GALNTL6: variants seen among roughly 807,000 people sequenced by gnomAD.
GALNTL6 encodes polypeptide N-acetylgalactosaminyltransferase like 6, also known as polypeptide N-acetylgalactosaminyltransferase-like 6.
GALNTL6 carries 46 observed loss-of-function variants against 73.7 expected under a neutral mutation model. The observed-to-expected ratio is 0.62, with a 90% CI of 0.49 to 0.80. GALNTL6 has a LOEUF of 0.80. Ranked by LOEUF, GALNTL6 falls within the 30% of genes least tolerant of loss-of-function variation. The pLI, the probability that GALNTL6 is intolerant of heterozygous loss-of-function variation, is 0.00. For synonymous variants in GALNTL6, 259 were observed against 263.7 expected (o/e 0.98, Z 0.17); for missense variants, 604 against 755.0 (o/e 0.80, Z 2.34).
intron 2 of GALNTL6, among the ~76,000 whole-genome samples, chr4:172,219,758 A>G (rs1248466413): frequency 6.6e-6 from 1 of 151,930 alleles, no homozygotes; most frequent in African/African-American, 2.4e-5. Context: ...ATCATTTGGT[A>G]TTCAAGGAAA....
chr4:172,714,812 T>C (rs1540466), intron 5 of GALNTL6, among the ~76,000 whole-genome samples: 115,918 of 152,000 alleles, frequency 0.76, 45,457 homozygotes, highest in Middle Eastern at 0.89. Flanking sequence ...GTAAGGGCTA[T>C]GCCATCTTAG....
chr4:172,787,675 A>T (rs953772985), intron 5 of GALNTL6, among the ~76,000 whole-genome samples: 6 of 152,194 alleles, frequency 3.9e-5, no homozygotes, highest in African/African-American at 1.4e-4. Flanking sequence ...CAGGAGGATC[A>T]CTGAGGAGGA....
At chr4:172,863,714 T>C (rs568842679) in intron 7 of GALNTL6, among the ~76,000 whole-genome samples, 103 of 152,306 alleles carry the variant, frequency 6.8e-4, no homozygotes, top group Non-Finnish European at 9.3e-4. Context: ...TGCTGTGAAC[T>C]GTGGACTTTT....
intron 2 of GALNTL6, among the ~76,000 whole-genome samples, chr4:172,019,044 G>T (rs1450288702): frequency 2.6e-5 from 4 of 152,118 alleles, no homozygotes; most frequent in African/African-American, 9.7e-5. Context: ...TTAGGAGGCA[G>T]ATTTTTCCCC....
At chr4:172,403,677 A>G (rs1424597379) in intron 5 of GALNTL6, among the ~76,000 whole-genome samples, 2 of 152,056 alleles carry the variant, frequency 1.3e-5, no homozygotes, top group Non-Finnish European at 2.9e-5. Flanking sequence ...ATAGACACAT[A>G]TACACATATA....
chr4:172,467,855 T>TTTCTTTCTTTCTTTCTTTCC (rs1554027356), intron 5 of GALNTL6, among the ~76,000 whole-genome samples: 3 of 138,944 alleles, frequency 2.2e-5, no homozygotes, highest in African/African-American at 7.9e-5. Context: ...TCTTTCTTTC[T>TTTCTTTCTTTCTTTCTTTCC]TTCTTTCTTT....
chr4:172,371,817 C>G lies in GALNTL6; in HGVS notation c.553+23128C>G, dbSNP rs539940689. 5.9e-5 allele frequency among the ~76,000 whole-genome samples: 9 copies of G among 152,296 alleles called. No homozygotes were observed. In the East Asian group the frequency reaches 1.7e-3, roughly 29 times the overall value. ...GCTGCTGTTCTCCCCTCTCCTTCCT[C>G]TTTTTGATGGCTTCAGCAGTGGAAG... On this transcript the variant is annotated intron_variant, in intron 5 of 12. Coordinates refer to ENST00000506823, the MANE Select transcript of GALNTL6 (RefSeq NM_001034845.3).
chr4:172,294,983 G>T (rs1339727347), intron 3 of GALNTL6, among the ~76,000 whole-genome samples: 6 of 152,006 alleles, frequency 3.9e-5, no homozygotes, highest in Non-Finnish European at 8.8e-5. Context: ...TGTACATATA[G>T]ATTTATGTTA....
At chr4:172,361,793 G>A (rs1333503338) in intron 5 of GALNTL6, among the ~76,000 whole-genome samples, 2 of 152,138 alleles carry the variant, frequency 1.3e-5, no homozygotes, top group African/African-American at 4.8e-5. Flanking sequence ...TTGTCAGTGA[G>A]TGGTGGTGGT....
At chr4:172,219,616 A>G (rs1332268955) in intron 2 of GALNTL6, among the ~76,000 whole-genome samples, 1 of 151,918 alleles carries the variant, frequency 6.6e-6, no homozygotes, top group East Asian at 1.9e-4. Context: ...TGAACAAGAT[A>G]CTTTAAATTA....
intron 7 of GALNTL6, among the ~76,000 whole-genome samples, chr4:172,817,441 A>C (rs950769624): frequency 2.0e-5 from 3 of 152,126 alleles, no homozygotes; most frequent in Non-Finnish European, 4.4e-5. Context: ...AAGTTGAATT[A>C]AAATAAACAA....
intron 5 of GALNTL6, among the ~76,000 whole-genome samples, chr4:172,455,351 G>T (rs554984506): frequency 6.6e-6 from 1 of 152,112 alleles, no homozygotes; most frequent in Non-Finnish European, 1.5e-5. Context: ...GAACACCAGC[G>T]AGACAGAACC....
chr4:172,373,950 A>T (rs1029718010), intron 5 of GALNTL6, among the ~76,000 whole-genome samples: 1 of 152,158 alleles, frequency 6.6e-6, no homozygotes, highest in African/African-American at 2.4e-5. Flanking sequence ...GTGGTTAAAC[A>T]TAGCCAGGGC....
chr4:172,608,512 A>C (rs1450117735), intron 5 of GALNTL6, among the ~76,000 whole-genome samples: 1 of 152,090 alleles, frequency 6.6e-6, no homozygotes, highest in Non-Finnish European at 1.5e-5. Context: ...TACCATTGCC[A>C]TGCTGTTTTA....
chr4:172,358,372 T>C (rs1349506253), intron 5 of GALNTL6, among the ~76,000 whole-genome samples: 1 of 152,246 alleles, frequency 6.6e-6, no homozygotes, highest in African/African-American at 2.4e-5. Flanking sequence ...CATTACTGCT[T>C]TGCGTAAGTT....
intron 10 of GALNTL6, among the ~76,000 whole-genome samples, chr4:172,976,698 C>A (rs1750826702): frequency 6.6e-6 from 1 of 152,214 alleles, no homozygotes; most frequent in Non-Finnish European, 1.5e-5. Context: ...AGACACCTGT[C>A]CACCTTTTCT....
chr4:171,834,544 T>TGATGTA (rs1485039680), intron 2 of GALNTL6, among the ~76,000 whole-genome samples: 1 of 151,956 alleles, frequency 6.6e-6, no homozygotes, highest in Non-Finnish European at 1.5e-5. Context: ...CATAATGGCA[T>TGATGTA]GATGTAGGGT....
intron 5 of GALNTL6, among the ~76,000 whole-genome samples, chr4:172,626,888 C>G (rs1231350435): frequency 6.6e-6 from 1 of 151,930 alleles, no homozygotes; most frequent in Non-Finnish European, 1.5e-5. Flanking sequence ...GTTTCAGGAG[C>G]CTTTTGGCAG....
intron 2 of GALNTL6, among the ~76,000 whole-genome samples, chr4:171,855,438 T>G (rs1274765644): frequency 6.6e-6 from 1 of 152,228 alleles, no homozygotes; most frequent in African/African-American, 2.4e-5. Flanking sequence ...CTCCATGTCT[T>G]TTGTGGCTTG....
Sources: allele counts gnomAD v4.1 joint callset (sites outside exome capture counted in the v4.1 genomes callset), GRCh38; gene constraint gnomAD v4.1.1; transcripts MANE v1.5; gene names NCBI Gene and HGNC (gene_info 2026-07-23, HGNC 2026-07-21).